The following USP47 variants were observed in gnomAD, a reference collection of about 807,000 sequenced individuals.
The protein encoded by USP47 is ubiquitin specific peptidase 47.
In USP47, 35 loss-of-function variants were observed where a neutral mutation model predicts 165.1. The observed-to-expected ratio is 0.21, with a 90% confidence interval of 0.16 to 0.28. The LOEUF (loss-of-function observed/expected upper bound fraction) is 0.28, where lower values mean the gene tolerates loss of function less well. Among genes scored for constraint, USP47 ranks in the 10% least tolerant of loss-of-function variants. USP47 has a pLI of 1.00. For synonymous variants in USP47, 531 were observed against 544.5 expected (o/e 0.98, Z 0.35); for missense variants, 1,277 against 1,607.4 (o/e 0.79, Z 3.52).
intron 7 of USP47, among the ~76,000 whole-genome samples, chr11:11,904,562 A>C (rs1852427965): frequency 6.6e-6 from 1 of 152,086 alleles, no homozygotes; most frequent in Non-Finnish European, 1.5e-5. Flanking sequence ...ATAGATCTGA[A>C]GTTACTCTTT....
At chr11:11,953,981 G>T (rs1390115684) in intron 25 of USP47, among the ~76,000 whole-genome samples, 2 of 152,104 alleles carry the variant, frequency 1.3e-5, no homozygotes, top group Non-Finnish European at 2.9e-5. Flanking sequence ...TGGGTGCCAT[G>T]GCTCACTCCT....
intron 7 of USP47, 33 bp from the exon 8 acceptor site, chr11:11,905,366 G>C: frequency 1.3e-6 from 2 of 1,499,282 alleles, no homozygotes; most frequent in Non-Finnish European, 1.8e-6. Flanking sequence ...TATTTTTAAG[G>C]AACACTTAAA....
intron 4 of USP47, among the ~76,000 whole-genome samples, chr11:11,893,684 C>T (rs1282412813): frequency 1.3e-5 from 2 of 151,892 alleles, no homozygotes; most frequent in South Asian, 2.1e-4. Flanking sequence ...TCCCAAGTAG[C>T]GGGGAATACA....
chr11:11,937,944 C>CA (rs1289404978), intron 17 of USP47, among the ~76,000 whole-genome samples: 1 of 151,804 alleles, frequency 6.6e-6, no homozygotes, highest in Non-Finnish European at 1.5e-5. Context: ...AGTGAGAAAA[C>CA]AAAGGCATAA....
intron 8 of USP47, among the ~76,000 whole-genome samples, chr11:11,916,568 A>T (rs942788294): frequency 2.8e-4 from 42 of 152,162 alleles, no homozygotes; most frequent in Admixed American, 1.9e-3. Context: ...AGAATAAATT[A>T]AAAAATGCTC....
intron 1 of USP47, among the ~76,000 whole-genome samples, chr11:11,865,165 C>G (rs1013938767): frequency 1.3e-5 from 2 of 152,086 alleles, no homozygotes; most frequent in African/African-American, 4.8e-5. Flanking sequence ...GGGGTTTGCT[C>G]AGCTTCTTGA....
intron 18 of USP47, among the ~76,000 whole-genome samples, chr11:11,939,954 CTT>C (rs1233041757): frequency 6.6e-6 from 1 of 151,926 alleles, no homozygotes; most frequent in African/African-American, 2.4e-5. Context: ...TTCAGAAAAA[CTT>C]AAAATTTTCC....
chr11:11,942,686 G>C lies in USP47; in HGVS notation c.2665G>C (p.Glu889Gln), dbSNP rs1442593447. 2 of 1,613,382 alleles carry C rather than the reference G, an allele frequency of 1.2e-6. No homozygotes were observed. The highest frequency in any genetic ancestry group is 3.3e-5 in the Admixed American group (2 of 59,886). ...STETSDFENIESPLNERDSSA... is the reference protein window; with the variant it reads ...STETSDFENIQSPLNERDSSA... The stretch of plus-strand genomic sequence containing the variant: ...TGAGACAAGTGACTTTGAAAACATC[G>C]AATCACCTCTCAATGAGAGGGACTC... The change falls in exon 20 of 28, where the codon GAA becomes CAA. Residue 889 changes from glutamate (E) to glutamine (Q), a missense_variant. This residue lies in a region of USP47 where 909 missense variants were observed against 1,068.1 expected (regional missense o/e 0.85). Coordinates refer to ENST00000527733, the MANE Select transcript of USP47 (RefSeq NM_001282659.2).
chr11:11,893,373 A>G (rs1218489516), intron 4 of USP47, among the ~76,000 whole-genome samples: 1 of 152,210 alleles, frequency 6.6e-6, no homozygotes, highest in Non-Finnish European at 1.5e-5. Flanking sequence ...TTTAAATATT[A>G]CATTACAAAT....
intron 8 of USP47, among the ~76,000 whole-genome samples, chr11:11,909,201 T>A (rs1322173266): frequency 6.6e-6 from 1 of 152,158 alleles, no homozygotes; most frequent in Non-Finnish European, 1.5e-5. Context: ...ATATGTGTTA[T>A]AATTTCCTGT....
intron 1 of USP47, among the ~76,000 whole-genome samples, chr11:11,865,885 TTGTTA>T (rs1263484748): frequency 4.6e-5 from 7 of 152,176 alleles, no homozygotes; most frequent in Admixed American, 1.3e-4. Flanking sequence ...GGTTTTTCTG[TTGTTA>T]TGTTATAAGA....
In USP47 at chr11:11,922,736, A is replaced by T; in HGVS notation, c.1231A>T (p.Thr411Ser). 6.2e-7 allele frequency: 1 copy of T among 1,609,626 alleles called. No individual in the cohort carries two copies. Among genetic ancestry groups the T allele is most frequent in the Non-Finnish European group, 8.5e-7 (1 of 1,177,208 alleles). Reference protein sequence around the residue: ...IDVEDEKSPQTESCTDSGAEN... With the variant: ...IDVEDEKSPQSESCTDSGAEN... ...ATGTCTTATTAAGAAATCTCCTCAG[A>T]CTGAAAGTTGCACTGACAGTGGAGC... The change falls in exon 11 of 28, where the codon ACT becomes TCT. Residue 411 changes from threonine to serine, a missense_variant. Thr to Ser is a moderately conservative substitution (Grantham distance 58). Around this residue, in one of 4 missense-constraint regions of USP47, gnomAD observed 175 missense variants for 295.8 expected, o/e 0.59. Coordinates refer to ENST00000527733, the MANE Select transcript of USP47 (RefSeq NM_001282659.2).
At chr11:11,932,616 G>T (rs1854755848) in intron 14 of USP47, among the ~76,000 whole-genome samples, 1 of 152,172 alleles carries the variant, frequency 6.6e-6, no homozygotes, top group Non-Finnish European at 1.5e-5. Context: ...AAGCTGAAGA[G>T]ACCTACATTT....
In USP47 at chr11:11,936,491, C is replaced by T. The variant is rs1590418366; in HGVS notation, c.2058C>T (p.Phe686=). The change falls in exon 17 of 28, where the codon TTC becomes TTT. Residue 686 remains phenylalanine, a synonymous_variant. Coordinates refer to ENST00000527733, the MANE Select transcript of USP47 (RefSeq NM_001282659.2). ...AGACGAGAAAGCCTGATCAGGTTTT[C>T]CAATCTTATAAACCTGGAGGTGAGC... The part of the protein sequence containing the change: ...LLETRKPDQV[F]QSYKPGEVMV... 3 of 1,586,898 alleles carry T rather than the reference C, an allele frequency of 1.9e-6. No individual in the cohort carries two copies. Among genetic ancestry groups the T allele is most frequent in the Non-Finnish European group, 2.6e-6 (3 of 1,162,524 alleles).
At chr11:11,937,847 AT>A (rs1396310589) in intron 17 of USP47, among the ~76,000 whole-genome samples, 1 of 151,964 alleles carries the variant, frequency 6.6e-6, no homozygotes, top group Non-Finnish European at 1.5e-5. Flanking sequence ...AAGATCATTT[AT>A]TTTTCAAGTG....
At chr11:11,911,610 GGAAAAACTGTC>G in intron 8 of USP47, among the ~76,000 whole-genome samples, 1 of 151,360 alleles carries the variant, frequency 6.6e-6, no homozygotes, top group Non-Finnish European at 1.5e-5. Flanking sequence ...AATACATGAA[GGAAAAACTGTC>G]ATAACTAAAA....
At chr11:11,933,166 G>C (rs1187935033) in intron 15 of USP47, 50 bp downstream of exon 15, 2 of 1,441,402 alleles carry the variant, frequency 1.4e-6, no homozygotes, top group Non-Finnish European at 1.9e-6. Context: ...TTTTAAGCTC[G>C]CTTACCTGCA....
At chr11:11,945,812 G>A (rs10831710) in intron 20 of USP47, among the ~76,000 whole-genome samples, 35,713 of 151,624 alleles carry the variant, frequency 0.24, 5,069 homozygotes, top group Non-Finnish European at 0.32. Context: ...TCATGTGCCT[G>A]TAGTTCTAGC....
chr11:11,948,309 A>G, intron 21 of USP47, 169 bp from the exon 22 acceptor site: 1 of 842,596 alleles, frequency 1.2e-6, no homozygotes, highest in Non-Finnish European at 1.8e-6. Flanking sequence ...GTGAAATGTT[A>G]GCTGTGTGTC....
Sources: allele counts gnomAD v4.1 joint callset (sites outside exome capture counted in the v4.1 genomes callset), GRCh38; gene constraint gnomAD v4.1.1; regional missense constraint gnomAD v4.1.1; transcripts MANE v1.5; gene names NCBI Gene and HGNC (gene_info 2026-07-23, HGNC 2026-07-21).